ZNF804B: variants seen among roughly 807,000 people sequenced by gnomAD.
The protein encoded by ZNF804B is zinc finger 804B.
ZNF804B carries 80 observed loss-of-function variants against 101.4 expected under a neutral mutation model. The ratio of observed to expected loss-of-function variants is 0.79; its 90% CI spans 0.66 to 0.95. ZNF804B has a LOEUF of 0.95. ZNF804B is among the 40% of genes least tolerant of loss of function. The pLI is 0.00. For missense variants in ZNF804B, 1,673 were observed against 1,561.9 expected (o/e 1.07, Z -1.20); for synonymous variants, 622 against 558.8 (o/e 1.11, Z -1.59).
At chr7:88,779,585 C>G (rs1021463408) in intron 1 of ZNF804B, among the ~76,000 whole-genome samples, 1 of 151,822 alleles carries the variant, frequency 6.6e-6, no homozygotes, top group East Asian at 1.9e-4. Flanking sequence ...TAATCCTTAA[C>G]ACAACCTTAA....
chr7:88,878,053 G>T (rs1791978279), intron 1 of ZNF804B, among the ~76,000 whole-genome samples: 1 of 152,074 alleles, frequency 6.6e-6, no homozygotes, highest in South Asian at 2.1e-4. Flanking sequence ...AAAATTTTGG[G>T]ATTAAGTATA....
rs571429151 is a variant in ZNF804B at position 88,953,786 on chromosome 7, T to G, written c.108+193702T>G. 1.3e-4 allele frequency among the ~76,000 whole-genome samples: 20 copies of G among 151,804 alleles called. No individual in the cohort carries two copies. In the South Asian group the frequency reaches 3.3e-3, roughly 25 times the overall value. ...GGTTGTCTACCTTCCCCATAGAAAA[T>G]AAGGAGGATTTTCATTCCTTCATAA... On this transcript the variant is annotated intron_variant, in intron 1 of 3. Coordinates refer to ENST00000333190, the MANE Select transcript of ZNF804B (RefSeq NM_181646.5).
chr7:88,777,564 C>T (rs576046879), intron 1 of ZNF804B, among the ~76,000 whole-genome samples: 161 of 152,148 alleles, frequency 1.1e-3, no homozygotes, highest in East Asian at 9.7e-4. Context: ...AGAAACTGGC[C>T]GGGTGCAGTG....
intron 1 of ZNF804B, among the ~76,000 whole-genome samples, chr7:88,827,495 C>T (rs1248245585): frequency 2.6e-5 from 4 of 151,448 alleles, no homozygotes; most frequent in South Asian, 2.1e-4. Context: ...TGTTAATGTT[C>T]GTTTTTATGC....
chr7:88,983,675 T>C (rs2189744), intron 1 of ZNF804B, among the ~76,000 whole-genome samples: 105,911 of 151,854 alleles, frequency 0.7, 37,193 homozygotes, highest in African/African-American at 0.77. Context: ...GCTAGTATCT[T>C]AATATTGTTG....
intron 1 of ZNF804B, among the ~76,000 whole-genome samples, chr7:88,965,843 C>T (rs926209933): frequency 1.3e-5 from 2 of 151,436 alleles, no homozygotes; most frequent in Non-Finnish European, 3.0e-5. Context: ...GACAATCAAT[C>T]AGAATCATTT....
At chr7:88,835,167 C>T (rs909117817) in intron 1 of ZNF804B, among the ~76,000 whole-genome samples, 11 of 151,726 alleles carry the variant, frequency 7.2e-5, no homozygotes, top group Non-Finnish European at 1.5e-4. Flanking sequence ...GCAAGGAAAT[C>T]AGGATACAGT....
At chr7:89,021,592 A>G (rs1187116579) in intron 1 of ZNF804B, among the ~76,000 whole-genome samples, 1 of 152,084 alleles carries the variant, frequency 6.6e-6, no homozygotes, top group African/African-American at 2.4e-5. Context: ...GTCTGGTGGC[A>G]TGTTTGCTGG....
intron 1 of ZNF804B, among the ~76,000 whole-genome samples, chr7:88,789,424 G>A (rs999156872): frequency 2.0e-5 from 3 of 152,080 alleles, no homozygotes. Flanking sequence ...TATTGTTACT[G>A]TTGTTACACT....
At chr7:88,862,702 A>G (rs1315121153) in intron 1 of ZNF804B, among the ~76,000 whole-genome samples, 1 of 152,184 alleles carries the variant, frequency 6.6e-6, no homozygotes, top group Non-Finnish European at 1.5e-5. Context: ...TTATTGTTGC[A>G]TACTGGGCTA....
chr7:88,833,319 T>C lies in ZNF804B; in HGVS notation c.108+73235T>C, dbSNP rs1411514388. ...CACCTCTGTTATTTACTGTGAGAAT[T>C]TGAGGAAATTACTTAACTTTTCTGA... On this transcript the variant is annotated intron_variant, in intron 1 of 3. Coordinates refer to ENST00000333190, the MANE Select transcript of ZNF804B (RefSeq NM_181646.5). Among the ~76,000 whole-genome samples the C allele has an allele frequency of 2.6e-5, 4 of 151,896 alleles. 1 individual carries two copies. The highest frequency in any genetic ancestry group is 9.7e-5 in the African/African-American group (4 of 41,396).
At chr7:89,244,146 C>T (rs1789410943) in intron 2 of ZNF804B, among the ~76,000 whole-genome samples, 1 of 151,946 alleles carries the variant, frequency 6.6e-6, no homozygotes, top group African/African-American at 2.4e-5. Context: ...GTAAATCTAA[C>T]ACCAAGTCTG....
intron 1 of ZNF804B, among the ~76,000 whole-genome samples, chr7:89,143,740 T>C (rs1441803655): frequency 3.3e-5 from 5 of 152,078 alleles, no homozygotes; most frequent in Non-Finnish European, 1.5e-5. Context: ...TTATTCTTTT[T>C]AGTGTCTCAA....
chr7:89,164,389 G>C (rs887804900), intron 1 of ZNF804B, among the ~76,000 whole-genome samples: 3 of 151,946 alleles, frequency 2.0e-5, no homozygotes, highest in African/African-American at 4.8e-5. Flanking sequence ...GTGGAAAACT[G>C]GGGGGAAAGT....
chr7:88,975,813 A>G lies in ZNF804B; in HGVS notation c.108+215729A>G, dbSNP rs1323241950. On this transcript the variant is annotated intron_variant, in intron 1 of 3. Transcript: ENST00000333190. Reference sequence around the variant, plus strand: ...TTGTCCATTTTTGCTTTGGTTGCATACAAAGTTGAGTAATACCCCCAAAGT... The same window carrying G: ...TTGTCCATTTTTGCTTTGGTTGCATGCAAAGTTGAGTAATACCCCCAAAGT... Among the ~76,000 whole-genome samples, 3 of 151,330 alleles carry G rather than the reference A, an allele frequency of 2.0e-5. No homozygotes were observed. In the East Asian group the frequency reaches 5.9e-4, roughly 30 times the overall value.
At chr7:89,330,967 G>A (rs547572980) in intron 3 of ZNF804B, among the ~76,000 whole-genome samples, 32 of 150,736 alleles carry the variant, frequency 2.1e-4, no homozygotes, top group African/African-American at 7.5e-4. Context: ...ACAGTGTCAG[G>A]ATAATCAGCA....
intron 1 of ZNF804B, among the ~76,000 whole-genome samples, chr7:89,160,668 T>C (rs1212528677): frequency 6.6e-6 from 1 of 152,166 alleles, no homozygotes; most frequent in Non-Finnish European, 1.5e-5. Context: ...ACATTTATCA[T>C]AGGTTTAAAA....
intron 1 of ZNF804B, among the ~76,000 whole-genome samples, chr7:88,924,651 T>G (rs1333024132): frequency 6.6e-6 from 1 of 152,148 alleles, no homozygotes; most frequent in Non-Finnish European, 1.5e-5. Context: ...CACAAGAAAT[T>G]TACATGGCTC....
At position 89,335,205 on chromosome 7, in the gene ZNF804B, C is replaced by T; in HGVS notation, c.2223C>T (p.Cys741=). ...GTAATAGCAGAGGTAATTTGCTCTG[C>T]TTCCATAAAAGAGAACACCACTCAG... The part of the protein sequence containing the change: ...FNGNSRGNLL[C]FHKREHHSVE... The change falls in exon 4 of 4, where the codon TGC becomes TGT. Residue 741 remains cysteine (C), a synonymous_variant. Coordinates refer to ENST00000333190, the MANE Select transcript of ZNF804B (RefSeq NM_181646.5). 1.2e-6 allele frequency: 2 copies of T among 1,613,826 alleles called. No individual in the cohort carries two copies.
Sources: gnomAD v4.1 joint callset for allele counts (sites outside exome capture counted in the v4.1 genomes callset) on GRCh38, gnomAD v4.1.1 for gene constraint, MANE v1.5 for transcripts, NCBI Gene and HGNC (gene_info 2026-07-23, HGNC 2026-07-21) for gene names.